The following MYT1 variants were observed in gnomAD, a reference collection of about 807,000 sequenced individuals.
MYT1 encodes the protein myelin transcription factor I.
MYT1 carries 23 observed loss-of-function variants against 123.0 expected under a neutral mutation model. The ratio of observed to expected loss-of-function variants is 0.19; its 90% CI spans 0.13 to 0.26. The LOEUF is 0.26. MYT1 is among the 10% of genes least tolerant of loss of function. The probability of loss-of-function intolerance (pLI) is 1.00; values close to 1 mark genes in which losing one functional copy is unlikely to be tolerated. For synonymous variants in MYT1, 518 were observed against 575.3 expected (o/e 0.90, Z 1.43); for missense variants, 1,125 against 1,472.5 (o/e 0.76, Z 3.86).
In MYT1 at chr20:64,185,518, T is replaced by C. The variant is rs1304805928; in HGVS notation, c.-98-4545T>C. On this transcript the variant is annotated intron_variant, in intron 1 of 22. Transcript: ENST00000328439. This position sits in a 1 kb window ranked among gnomAD's most constrained non-coding sequence, Gnocchi z 4.5. ...TACCACCTGGCCTCTCACTCAGTCTTCCTGTTATTTTGTTCTTGTTTTCAG... is the reference window on the plus strand; with the variant it reads ...TACCACCTGGCCTCTCACTCAGTCTCCCTGTTATTTTGTTCTTGTTTTCAG... 6.6e-6 allele frequency among the ~76,000 whole-genome samples: 1 copy of C among 152,220 alleles called. No individual in the cohort carries two copies. The highest frequency in any genetic ancestry group is 1.5e-5 in the Non-Finnish European group (1 of 68,044).
intron 4 of MYT1, among the ~76,000 whole-genome samples, chr20:64,201,964 C>CTGCGTGTCGGGAA (rs1568708141): frequency 1.6e-5 from 2 of 127,918 alleles, no homozygotes; most frequent in Non-Finnish European, 3.2e-5. Flanking sequence ...GTCGGGAACC[C>CTGCGTGTCGGGAA]CCGCGTGTCG....
rs927355141 is a variant in MYT1, at chr20:64,232,977, C to T, written c.2897+592C>T. ...CCTGCTCCAGAGCCGAAGGACCTTG[C>T]TTCACCAGCCCCACTTCCTGTCTGT... is the stretch of plus-strand genomic sequence containing the variant. On this transcript the variant is annotated intron_variant, in intron 19 of 22. Coordinates refer to ENST00000328439, the MANE Select transcript of MYT1 (RefSeq NM_004535.3). This position sits in a 1 kb window ranked among gnomAD's most constrained non-coding sequence, Gnocchi z 6.9. Among the ~76,000 whole-genome samples the T allele has an allele frequency of 1.1e-4, 17 of 151,964 alleles. No individual in the cohort carries two copies. Among genetic ancestry groups the T allele is most frequent in the Middle Eastern group, 3.4e-3 (1 of 294 alleles).
Position 64,207,748 on chromosome 20 carries a change from G to C in MYT1, c.552G>C (p.Leu184Phe). 1 of 1,613,988 alleles carries C rather than the reference G, an allele frequency of 6.2e-7. No homozygotes were observed. Among genetic ancestry groups the C allele is most frequent in the African/African-American group, 1.3e-5 (1 of 74,996 alleles). ...IAEETLVEED[L>F]GQAAKPGPGI... is the part of the protein sequence containing the mutation. ...AAGAGACCCTGGTGGAAGAGGACTT[G>C]GGCCAGGCGGCCAAGCCAGGTCCTG... The change falls in exon 7 of 23, where the codon TTG becomes TTC. Residue 184 changes from leucine to phenylalanine, a missense_variant. By Grantham distance (22) the Leu-to-Phe change is conservative (BLOSUM62 0). Coordinates refer to ENST00000328439, the MANE Select transcript of MYT1 (RefSeq NM_004535.3).
In MYT1 at chr20:64,231,899, G is replaced by A. The variant is rs775521936; in HGVS notation, c.2676-265G>A. Among the ~76,000 whole-genome samples, 2 of 152,180 alleles carry A rather than the reference G, an allele frequency of 1.3e-5. No homozygotes were observed. Among genetic ancestry groups the A allele is most frequent in the Admixed American group, 6.5e-5 (1 of 15,292 alleles). On this transcript the variant is annotated intron_variant, in intron 18 of 22. Coordinates refer to ENST00000328439, the MANE Select transcript of MYT1 (RefSeq NM_004535.3). This position sits in a 1 kb window ranked among gnomAD's most constrained non-coding sequence, Gnocchi z 6.4. ...CAGGGTCACGGCTGCTGGAGGGCAC[G>A]GAAAGAAGGTGGCTGTGGAGACCCC...
chr20:64,167,370 C>T lies in MYT1; in HGVS notation c.-99+2631C>T, dbSNP rs1222180726. Among the ~76,000 whole-genome samples, 2 of 152,190 alleles carry T rather than the reference C, an allele frequency of 1.3e-5. No homozygotes were observed. Among genetic ancestry groups the T allele is most frequent in the South Asian group, 2.1e-4 (1 of 4,826 alleles). On this transcript the variant is annotated intron_variant, in intron 1 of 22. Transcript: ENST00000328439. This position sits in a 1 kb window ranked among gnomAD's most constrained non-coding sequence, Gnocchi z 6.3. ...AGCAAGGCTTGTGTCCACCCAGTCCCTCTGTCGGGGCTCAGGGTGGGGATG... is the reference window on the plus strand; with the variant it reads ...AGCAAGGCTTGTGTCCACCCAGTCCTTCTGTCGGGGCTCAGGGTGGGGATG...
At chr20:64,211,393 G>C in intron 8 of MYT1, 53 bp downstream of exon 8, 1 of 1,564,566 alleles carries the variant, frequency 6.4e-7, no homozygotes, top group Non-Finnish European at 8.7e-7. Flanking sequence ...CGCTGCCTCT[G>C]TGGTGTTTGG....
chr20:64,234,031 C>T (rs925089076), intron 19 of MYT1, among the ~76,000 whole-genome samples: 1 of 152,194 alleles, frequency 6.6e-6, no homozygotes, highest in Admixed American at 6.5e-5. Context: ...GACACAGCTG[C>T]AGAAGCCGGG....
chr20:64,213,089 G>A lies in MYT1; in HGVS notation c.1518-445G>A, dbSNP rs545324672. Reference sequence around the variant, plus strand: ...ATCCAGGGTCAGTGCCCAGGCTGTGGTCCAAGTGGGGCCCTGGGCTGCCCC... The same window carrying A: ...ATCCAGGGTCAGTGCCCAGGCTGTGATCCAAGTGGGGCCCTGGGCTGCCCC... On this transcript the variant is annotated intron_variant, in intron 9 of 22. Transcript: ENST00000328439. This position sits in a 1 kb window ranked among gnomAD's most constrained non-coding sequence, Gnocchi z 5.6. 6.4e-4 allele frequency among the ~76,000 whole-genome samples: 98 copies of A among 152,192 alleles called. 3 individuals are homozygous for A. In the South Asian group the frequency reaches 0.02, roughly 31 times the overall value.
At chr20:64,179,475 G>A (rs906267123) in intron 1 of MYT1, among the ~76,000 whole-genome samples, 2 of 152,202 alleles carry the variant, frequency 1.3e-5, no homozygotes, top group Admixed American at 1.3e-4. Context: ...TGGGGGGAAG[G>A]TACTTTGAAA....
At chr20:64,239,971 A>G in intron 22 of MYT1, 68 bp downstream of exon 22, 1 of 1,579,698 alleles carries the variant, frequency 6.3e-7, no homozygotes, top group Non-Finnish European at 8.6e-7. Context: ...GCAGGAGGGC[A>G]GGGCATCTCC....
Position 64,208,282 on chromosome 20 carries a change from A to G in MYT1, c.1086A>G (p.Thr362=). ...AGGACACCCACTCCCGGAAGTCAAC[A>G]GTCACTGACGAGTCGGAGATGCAGG... ...KDEDTHSRKS[T]VTDESEMQDM... is the part of the protein sequence containing the mutation. The change falls in exon 7 of 23, where the codon ACA becomes ACG. Residue 362 remains threonine, a synonymous_variant. Coordinates refer to ENST00000328439, the MANE Select transcript of MYT1 (RefSeq NM_004535.3). The surrounding 1 kb of genome is among the most constrained non-coding windows in gnomAD (Gnocchi z 5.4). The G allele has an allele frequency of 6.2e-7, 1 of 1,614,202 alleles. No individual in the cohort carries two copies. Among genetic ancestry groups the G allele is most frequent in the Admixed American group, 1.7e-5 (1 of 60,034 alleles).
Position 64,240,332 on chromosome 20 carries a change from G to A in MYT1, c.3250G>A (p.Glu1084Lys), listed in dbSNP as rs752441247. The stretch of plus-strand genomic sequence containing the variant: ...TTCTGTTCTCTAGGAGCCAATATGC[G>A]AACAGAATTTCGATGCCTATGTGAG... Reference protein sequence around the residue: ...IRLPHMEPICEQNFDAYVSTL... With the variant: ...IRLPHMEPICKQNFDAYVSTL... Residue 1084 changes from glutamate to lysine, a missense_variant, in exon 23 of 23, where the codon GAA becomes AAA. Physicochemically the swap from Glu to Lys is moderately conservative, Grantham distance 56 (BLOSUM62 1). Coordinates refer to ENST00000328439, the MANE Select transcript of MYT1 (RefSeq NM_004535.3). The A allele has an allele frequency of 1.7e-5, 27 of 1,613,862 alleles. 1 individual carries two copies. Among genetic ancestry groups the A allele is most frequent in the South Asian group, 5.5e-5 (5 of 91,074 alleles).
chr20:64,236,146 G>A (rs1399899259), intron 19 of MYT1, among the ~76,000 whole-genome samples: 3 of 129,656 alleles, frequency 2.3e-5, no homozygotes, highest in Non-Finnish European at 4.9e-5. Context: ...TGGGATGGTC[G>A]CGGTGGGTGA....
rs1185444142 is a variant in MYT1, at chr20:64,207,765, C to T, written c.569C>T (p.Pro190Leu). The stretch of plus-strand genomic sequence containing the variant: ...GAGGACTTGGGCCAGGCGGCCAAGC[C>T]AGGTCCTGGCATTGTGCACCTGCTT... Reference protein sequence around the residue: ...VEEDLGQAAKPGPGIVHLLQE... With the variant: ...VEEDLGQAAKLGPGIVHLLQE... Residue 190 changes from proline to leucine, a missense_variant, in exon 7 of 23, where the codon CCA becomes CTA. Coordinates refer to ENST00000328439, the MANE Select transcript of MYT1 (RefSeq NM_004535.3). The T allele has an allele frequency of 6.2e-7, 1 of 1,613,792 alleles. No individual in the cohort carries two copies. Among genetic ancestry groups the T allele is most frequent in the African/African-American group, 1.3e-5 (1 of 74,852 alleles).
chr20:64,170,651 A>C (rs1369038167), intron 1 of MYT1, among the ~76,000 whole-genome samples: 1 of 151,250 alleles, frequency 6.6e-6, no homozygotes, highest in Non-Finnish European at 1.5e-5. Context: ...TACCTCTTAC[A>C]GTCATTTTTT....
At chr20:64,206,329 G>A (rs552178984) in intron 6 of MYT1, among the ~76,000 whole-genome samples, 3 of 152,180 alleles carry the variant, frequency 2.0e-5, no homozygotes, top group Non-Finnish European at 2.9e-5. Flanking sequence ...CGGGGTGCCC[G>A]GGGAGGCCAA....
At chr20:64,235,828 C>A (rs866550138) in intron 19 of MYT1, among the ~76,000 whole-genome samples, 26 of 84,214 alleles carry the variant, frequency 3.1e-4, no homozygotes, top group African/African-American at 5.6e-4. Context: ...TGACACTGGG[C>A]TGGCTGTGGT....
chr20:64,207,982 GGAGGAGGAGGAGGAGGAA>G lies in MYT1; in HGVS notation c.804_821del (p.Glu268_Glu273del), dbSNP rs763389436. 1.1e-5 allele frequency: 15 copies of G among 1,351,808 alleles called. No individual in the cohort carries two copies. The highest frequency in any genetic ancestry group is 2.9e-5 in the African/African-American group (2 of 68,108). The allele number at this position is 1,351,808 out of a possible 1,614,324, so 83.7% of individuals were successfully genotyped here. The stretch of plus-strand genomic sequence containing the variant: ...TCCTGAGTCACGAAGAGGAGGACGA[GGAGGAGGAGGAGGAGGAA>G]GAGGAGGAGGAGGAGGATGAAGAAG... On this transcript the variant is annotated inframe_deletion, in exon 7 of 23. Coordinates refer to ENST00000328439, the MANE Select transcript of MYT1 (RefSeq NM_004535.3).
chr20:64,219,544 A>G (rs1335229168), intron 12 of MYT1, among the ~76,000 whole-genome samples, 169 bp from the exon 13 acceptor site: 4 of 152,194 alleles, frequency 2.6e-5, no homozygotes, highest in African/African-American at 9.6e-5. Flanking sequence ...ATGGGAAATC[A>G]GGAAATGGCA....
Sources: allele counts gnomAD v4.1 joint callset (sites outside exome capture counted in the v4.1 genomes callset), GRCh38; gene constraint gnomAD v4.1.1; non-coding constraint Gnocchi (gnomAD v3.1); transcripts MANE v1.5; gene names NCBI Gene and HGNC (gene_info 2026-07-23, HGNC 2026-07-21).